The following WDPCP variants were observed in gnomAD, a reference collection of about 807,000 sequenced individuals.
WDPCP encodes the protein WD repeat containing planar cell polarity effector.
A neutral mutation model predicts 93.1 loss-of-function variants in WDPCP; 71 were observed. That is an observed-to-expected ratio of 0.76 (90% CI 0.63 to 0.93). The LOEUF is 0.93. Ranked by LOEUF, WDPCP falls within the 40% of genes least tolerant of loss-of-function variation. The probability of loss-of-function intolerance (pLI) is 0.00; values close to 1 mark genes in which losing one functional copy is unlikely to be tolerated. For missense variants in WDPCP, 844 were observed against 887.4 expected (o/e 0.95, Z 0.62); for synonymous variants, 315 against 315.0 (o/e 1.00, Z 0.00).
At chr2:63,791,062 G>A (rs1670537322) in intron 2 of WDPCP, among the ~76,000 whole-genome samples, 1 of 152,138 alleles carries the variant, frequency 6.6e-6, no homozygotes, top group African/African-American at 2.4e-5. Flanking sequence ...TCCTCACCTA[G>A]GAAGCTGCTC....
chr2:63,812,561 C>T (rs1453876166), intron 2 of WDPCP, among the ~76,000 whole-genome samples: 1 of 152,134 alleles, frequency 6.6e-6, no homozygotes, highest in Non-Finnish European at 1.5e-5. Context: ...TCTCCACAGC[C>T]TCACCAACAT....
intron 13 of WDPCP, among the ~76,000 whole-genome samples, chr2:63,283,586 G>C (rs2104951933): frequency 6.6e-6 from 1 of 152,316 alleles, no homozygotes; most frequent in Non-Finnish European, 1.5e-5. Flanking sequence ...GTGGCCTGCA[G>C]AGCCTGAAGT....
At chr2:63,374,566 G>A (rs1008313709) in intron 12 of WDPCP, among the ~76,000 whole-genome samples, 1 of 152,024 alleles carries the variant, frequency 6.6e-6, no homozygotes, top group Non-Finnish European at 1.5e-5. Flanking sequence ...AACTGAAAAA[G>A]CCATGTATAC....
In WDPCP at chr2:63,384,790, T is replaced by C. The variant is rs576085711; in HGVS notation, c.1436-2696A>G. Among the ~76,000 whole-genome samples the C allele has an allele frequency of 2.0e-4, 30 of 151,382 alleles. No individual in the cohort carries two copies. In the South Asian group the frequency reaches 3.1e-3, roughly 16 times the overall value. On this transcript the variant is annotated intron_variant, in intron 10 of 17. Coordinates refer to ENST00000272321, the MANE Select transcript of WDPCP (RefSeq NM_015910.7). Reference sequence around the variant, plus strand: ...AGAAATAATATAAATTCAATACAACTCAAATTATAAGAGAGAATACTTCCC... The same window carrying C: ...AGAAATAATATAAATTCAATACAACCCAAATTATAAGAGAGAATACTTCCC...
chr2:63,670,971 G>A (rs1260341577), intron 2 of WDPCP, among the ~76,000 whole-genome samples: 1 of 152,170 alleles, frequency 6.6e-6, no homozygotes, highest in East Asian at 1.9e-4. Flanking sequence ...AGTTGCCACT[G>A]CTACACATAA....
chr2:63,356,716 T>G (rs1413689666), intron 12 of WDPCP, among the ~76,000 whole-genome samples: 1 of 152,170 alleles, frequency 6.6e-6, no homozygotes, highest in Non-Finnish European at 1.5e-5. Context: ...CATAAGTTCT[T>G]TGAAAATAAT....
intron 6 of WDPCP, among the ~76,000 whole-genome samples, chr2:63,450,063 C>G (rs1698129022): frequency 6.6e-6 from 1 of 152,186 alleles, no homozygotes; most frequent in South Asian, 2.1e-4. Context: ...TTCCAGAGCC[C>G]CAGAGCTCCC....
intron 14 of WDPCP, among the ~76,000 whole-genome samples, chr2:63,214,159 G>C (rs1214311822): frequency 2.6e-5 from 4 of 152,060 alleles, no homozygotes; most frequent in South Asian, 2.1e-4. Context: ...GCCTGGCAGA[G>C]ACACAACAAA....
intron 2 of WDPCP, among the ~76,000 whole-genome samples, chr2:63,675,415 G>C (rs576640275): frequency 1.3e-5 from 2 of 152,144 alleles, no homozygotes; most frequent in East Asian, 1.9e-4. Context: ...GTATATAATG[G>C]AGCAGGTAAG....
At chr2:63,446,229 G>T (rs1289987912) in intron 6 of WDPCP, among the ~76,000 whole-genome samples, 1 of 152,124 alleles carries the variant, frequency 6.6e-6, no homozygotes, top group Non-Finnish European at 1.5e-5. Flanking sequence ...TTAGCAACCG[G>T]GCCACACAGC....
At chr2:63,467,475 AAAAC>A (rs771224044) in intron 6 of WDPCP, among the ~76,000 whole-genome samples, 9 of 150,972 alleles carry the variant, frequency 6.0e-5, no homozygotes, top group African/African-American at 1.7e-4. Flanking sequence ...CCATCTCAAA[AAAAC>A]AAACAAACAA....
At chr2:63,409,429 G>A (rs963110645) in intron 9 of WDPCP, among the ~76,000 whole-genome samples, 3 of 152,114 alleles carry the variant, frequency 2.0e-5, no homozygotes, top group Non-Finnish European at 4.4e-5. Context: ...TCCGTCTGAC[G>A]GAGACTACCC....
chr2:63,467,351 A>G (rs955164721), intron 6 of WDPCP, among the ~76,000 whole-genome samples: 1 of 151,818 alleles, frequency 6.6e-6, no homozygotes, highest in South Asian at 2.1e-4. Context: ...ATGGTGGCAC[A>G]CACTTATAAT....
intron 14 of WDPCP, among the ~76,000 whole-genome samples, chr2:63,187,217 C>T (rs1475255272): frequency 2.0e-5 from 3 of 152,120 alleles, no homozygotes; most frequent in African/African-American, 7.2e-5. Flanking sequence ...CATAGCATAT[C>T]TTTTTTCATC....
chr2:63,735,510 T>A (rs773074677), intron 2 of WDPCP, among the ~76,000 whole-genome samples: 3 of 152,138 alleles, frequency 2.0e-5, no homozygotes, highest in Non-Finnish European at 2.9e-5. Flanking sequence ...TTGGATGCCA[T>A]GAGAAAGAGT....
At chr2:63,800,179 T>G (rs1670674872) in intron 2 of WDPCP, among the ~76,000 whole-genome samples, 1 of 152,194 alleles carries the variant, frequency 6.6e-6, no homozygotes, top group South Asian at 2.1e-4. Flanking sequence ...CACAACTGAA[T>G]GGCAACATAT....
intron 12 of WDPCP, among the ~76,000 whole-genome samples, chr2:63,347,730 G>GCCCCCCCCCCC (rs5831659): frequency 1.3e-4 from 19 of 143,724 alleles, no homozygotes; most frequent in East Asian, 2.1e-4. Flanking sequence ...GGGGGAAATT[G>GCCCCCCCCCCC]CCCCCCCCGC....
chr2:63,704,252 C>T (rs529770051), intron 2 of WDPCP, among the ~76,000 whole-genome samples: 23 of 152,258 alleles, frequency 1.5e-4, no homozygotes, highest in African/African-American at 5.5e-4. Context: ...CAAACAGGGA[C>T]AATTTGACTT....
chr2:63,430,352 C>T (rs951884944), intron 9 of WDPCP, among the ~76,000 whole-genome samples: 1 of 152,066 alleles, frequency 6.6e-6, no homozygotes. Context: ...AACAAGCCTG[C>T]ACAAGTACCT....
Sources: gnomAD v4.1 joint callset for allele counts (sites outside exome capture counted in the v4.1 genomes callset) on GRCh38, gnomAD v4.1.1 for gene constraint, MANE v1.5 for transcripts, NCBI Gene and HGNC (gene_info 2026-07-23, HGNC 2026-07-21) for gene names.